OTOGL: variants seen among roughly 807,000 people sequenced by gnomAD.
OTOGL encodes the protein otogelin like, also known as otogelin-like protein.
Under a neutral mutation model 318.5 loss-of-function variants are expected in OTOGL, and 285 were observed. The observed-to-expected ratio is 0.89, with a 90% CI of 0.81 to 0.99. The LOEUF (loss-of-function observed/expected upper bound fraction) is 0.99. Ranked by LOEUF, OTOGL falls within the 50% of genes least tolerant of loss-of-function variation. OTOGL has a pLI of 0.00. For missense variants in OTOGL, 2,899 were observed against 2,845.6 expected, an observed-to-expected ratio of 1.02 and a Z score of -0.43; for synonymous variants, 987 against 936.5, an observed-to-expected ratio of 1.05 and a Z score of -0.99.
At chr12:80,157,491 C>T (rs1873204917) in intron 1 of OTOGL, among the ~76,000 whole-genome samples, 1 of 152,094 alleles carries the variant, frequency 6.6e-6, no homozygotes, top group South Asian at 2.1e-4. Flanking sequence ...CTACTCAAGA[C>T]ATTTTTGCCG....
At chr12:80,168,985 T>C (rs1260364210) in intron 1 of OTOGL, among the ~76,000 whole-genome samples, 1 of 152,220 alleles carries the variant, frequency 6.6e-6, no homozygotes, top group East Asian at 1.9e-4. Flanking sequence ...GTTTCACATA[T>C]CTTCTCTAGA....
chr12:80,327,890 C>T (rs1234770311), intron 35 of OTOGL, among the ~76,000 whole-genome samples: 1 of 124,302 alleles, frequency 8.0e-6, no homozygotes, highest in Admixed American at 1.0e-4. Flanking sequence ...ATCCGGGAGG[C>T]GGAGATTGCA....
intron 1 of OTOGL, among the ~76,000 whole-genome samples, chr12:80,165,384 G>A (rs1873768967): frequency 6.6e-6 from 1 of 152,142 alleles, no homozygotes; most frequent in Admixed American, 6.5e-5. Flanking sequence ...TATTATATCT[G>A]ATTTGAGGTG....
At chr12:80,360,221 G>A (rs1890150097) in intron 52 of OTOGL, among the ~76,000 whole-genome samples, 1 of 152,080 alleles carries the variant, frequency 6.6e-6, no homozygotes. Flanking sequence ...TTAGTTATAA[G>A]TATTAGTTTT....
Position 80,356,805 on chromosome 12 carries a change from A to G in OTOGL, c.5912-2A>G, listed in dbSNP as rs762472252. The G allele has an allele frequency of 6.4e-7, 1 of 1,572,442 alleles. No homozygotes were observed. The highest frequency in any genetic ancestry group is 8.6e-7 in the Non-Finnish European group (1 of 1,159,268). On this transcript the variant is annotated splice_acceptor_variant, in intron 48 of 58. Coordinates refer to ENST00000547103, the MANE Select transcript of OTOGL (RefSeq NM_001378609.3). LOFTEE classifies it high-confidence loss of function. ...TTTTCTAATGTAATTTTGTTTCTGC[A>G]GAATGTGACCCATTGAAATGCCCCA...
chr12:80,368,391 C>T (rs916383061), intron 55 of OTOGL, 82 bp downstream of exon 55: 4 of 875,614 alleles, frequency 4.6e-6, no homozygotes, highest in Non-Finnish European at 7.3e-6. Context: ...TGTCCCCCCC[C>T]ACACACACTG....
chr12:80,195,098 TTGA>T (rs1228890565), intron 1 of OTOGL, among the ~76,000 whole-genome samples: 3 of 152,238 alleles, frequency 2.0e-5, no homozygotes, highest in Non-Finnish European at 4.4e-5. Context: ...AAAAGGGAGC[TTGA>T]TGTTTATAAG....
intron 1 of OTOGL, among the ~76,000 whole-genome samples, chr12:80,156,198 A>G (rs964595767): frequency 4.6e-5 from 7 of 152,202 alleles, no homozygotes; most frequent in African/African-American, 7.2e-5. Flanking sequence ...CCAGAATGGA[A>G]GCAGGCAGAA....
chr12:80,342,646 A>G (rs1315907844), intron 44 of OTOGL, among the ~76,000 whole-genome samples: 17 of 152,194 alleles, frequency 1.1e-4, no homozygotes, highest in Non-Finnish European at 2.9e-5. Flanking sequence ...AAAATCCATT[A>G]TTAAAGACAA....
intron 52 of OTOGL, among the ~76,000 whole-genome samples, chr12:80,364,285 A>T (rs914119664): frequency 1.3e-5 from 2 of 152,144 alleles, no homozygotes; most frequent in African/African-American, 4.8e-5. Context: ...AATAGTGGCT[A>T]ATGTTTGTTT....
intron 6 of OTOGL, among the ~76,000 whole-genome samples, chr12:80,221,711 T>C (rs1451888210): frequency 2.0e-5 from 3 of 152,194 alleles, no homozygotes; most frequent in Non-Finnish European, 4.4e-5. Context: ...TCTGATGCTG[T>C]ATATGCTAAT....
chr12:80,243,499 C>G (rs552389079), intron 11 of OTOGL, among the ~76,000 whole-genome samples: 1 of 151,570 alleles, frequency 6.6e-6, no homozygotes, highest in South Asian at 2.1e-4. Context: ...AATAAGAAAT[C>G]TTGAAACATT....
rs139723377 is a variant in OTOGL at position 80,375,164 on chromosome 12, G to A, written c.6782-1959G>A. Among the ~76,000 whole-genome samples, 184 of 152,218 alleles carry A rather than the reference G, an allele frequency of 1.2e-3. 1 individual carries two copies. The highest frequency in any genetic ancestry group is 3.4e-3 in the Middle Eastern group (1 of 294). ...GCCGCCTTTGCTTTCTGAAGACTAG[G>A]CTGTGTTGAAGAGATTGTGGAGGTT... On this transcript the variant is annotated intron_variant, in intron 57 of 58. Transcript: ENST00000547103.
intron 1 of OTOGL, among the ~76,000 whole-genome samples, chr12:80,193,901 G>A (rs971627765): frequency 2.6e-5 from 4 of 152,146 alleles, no homozygotes; most frequent in Non-Finnish European, 5.9e-5. Flanking sequence ...TGACACATCC[G>A]CCTCATTTTA....
At chr12:80,362,083 A>G (rs1183897233) in intron 52 of OTOGL, among the ~76,000 whole-genome samples, 1 of 152,136 alleles carries the variant, frequency 6.6e-6, no homozygotes, top group East Asian at 1.9e-4. Flanking sequence ...CTTTTCCTCT[A>G]TATTTTCTTC....
At chr12:80,331,687 G>A (rs2137890664) in intron 37 of OTOGL, among the ~76,000 whole-genome samples, 1 of 152,114 alleles carries the variant, frequency 6.6e-6, no homozygotes, top group East Asian at 1.9e-4. Flanking sequence ...GCTGAATAAT[G>A]GTCCTCCAAA....
chr12:80,188,675 CAT>C lies in OTOGL; in HGVS notation c.-19-20736_-19-20735del, dbSNP rs563890099. On this transcript the variant is annotated intron_variant, in intron 1 of 58. Transcript: ENST00000547103. ...TCTTATGTGCAAGGATATGTACAAA[CAT>C]AAACACAGTTTCTTTTATTTGTATG... Among the ~76,000 whole-genome samples, 619 of 152,052 alleles carry C rather than the reference CAT, an allele frequency of 4.1e-3. 5 individuals are homozygous for C. Among genetic ancestry groups the C allele is most frequent in the African/African-American group, 0.014 (591 of 41,532 alleles).
intron 52 of OTOGL, among the ~76,000 whole-genome samples, chr12:80,366,081 C>G (rs899262409): frequency 6.6e-6 from 1 of 152,048 alleles, no homozygotes; most frequent in African/African-American, 2.4e-5. Context: ...TCCTAAGAGG[C>G]AGGCTGTATT....
At chr12:80,116,417 C>T (rs1301175852) in intron 1 of OTOGL, among the ~76,000 whole-genome samples, 1 of 151,988 alleles carries the variant, frequency 6.6e-6, no homozygotes, top group Non-Finnish European at 1.5e-5. Context: ...GAACTGGGTA[C>T]CTCAGTTGGA....
Sources: allele counts gnomAD v4.1 joint callset (sites outside exome capture counted in the v4.1 genomes callset), GRCh38; gene constraint gnomAD v4.1.1; transcripts MANE v1.5; gene names NCBI Gene and HGNC (gene_info 2026-07-23, HGNC 2026-07-21).